The following LRRC34 variants were observed in gnomAD, a reference collection of about 807,000 sequenced individuals.
The protein encoded by LRRC34 is leucine rich repeat containing 34.
In LRRC34, 44 loss-of-function variants were observed where a neutral mutation model predicts 48.5. The observed-to-expected ratio is 0.91, with a 90% confidence interval of 0.71 to 1.17. The LOEUF is 1.17. LRRC34 is among the 50% of genes most tolerant of loss of function. The pLI, the probability that LRRC34 is intolerant of heterozygous loss-of-function variation, is 0.00. For missense variants in LRRC34, 502 were observed against 563.0 expected, an observed-to-expected ratio of 0.89 and a Z score of 1.10; for synonymous variants, 192 against 197.6, an observed-to-expected ratio of 0.97 and a Z score of 0.24.
rs768712297 is a variant in LRRC34 at position 169,793,837 on chromosome 3, G to T, written c.1193C>A (p.Ala398Glu). ...GNKFDEATCI[A>E]YSDLIQMGCL... Reference sequence around the variant, plus strand: ...ACCCATTTGAATTAAGTCTGAATATGCCTAGGATTTTTAGGAAAAAAACTA... The same window carrying T: ...ACCCATTTGAATTAAGTCTGAATATTCCTAGGATTTTTAGGAAAAAAACTA... Residue 398 changes from alanine to glutamate, a missense_variant and splice_region_variant, in exon 11 of 11, where the codon GCA (alanine) becomes GAA (glutamate). Coordinates refer to ENST00000446859, the MANE Select transcript of LRRC34 (RefSeq NM_001172779.2). The T allele has an allele frequency of 6.3e-7, 1 of 1,595,038 alleles. No homozygotes were observed.
chr3:169,804,073 C>T lies in LRRC34; in HGVS notation c.637G>A (p.Asp213Asn). Residue 213 changes from aspartate to asparagine, a missense_variant, in exon 6 of 11, where the codon GAT becomes AAT. By Grantham distance (23) the Asp-to-Asn change is conservative. Coordinates refer to ENST00000446859, the MANE Select transcript of LRRC34 (RefSeq NM_001172779.2). ...CTCACCAGATCACAGTCACCCAGATCTAATTTCTCTAATGATGAATTAATT... is the reference window on the plus strand; with the variant it reads ...CTCACCAGATCACAGTCACCCAGATTTAATTTCTCTAATGATGAATTAATT... ...LQINSSLEKL[D>N]LGDCDLGMQS... is the part of the protein sequence containing the mutation. 1 of 1,591,336 alleles carries T rather than the reference C, an allele frequency of 6.3e-7. No homozygotes were observed. The highest frequency in any genetic ancestry group is 8.6e-7 in the Non-Finnish European group (1 of 1,168,700).
chr3:169,810,397 T>C lies in LRRC34; in HGVS notation c.140-1652A>G, dbSNP rs146675692. On this transcript the variant is annotated intron_variant, in intron 1 of 10. Transcript: ENST00000446859. Reference sequence around the variant, plus strand: ...AAAATTGGAATCTTTGGATATAACTTTATATGCTGTTTTTTAAATTAACAT... The same window carrying C: ...AAAATTGGAATCTTTGGATATAACTCTATATGCTGTTTTTTAAATTAACAT... Among the ~76,000 whole-genome samples the C allele has an allele frequency of 1.1e-3, 164 of 152,356 alleles. 1 individual carries two copies. Among genetic ancestry groups the C allele is most frequent in the African/African-American group, 3.8e-3 (156 of 41,578 alleles).
At chr3:169,800,431 C>A (rs1779148777) in intron 7 of LRRC34, among the ~76,000 whole-genome samples, 1 of 152,208 alleles carries the variant, frequency 6.6e-6, no homozygotes, top group East Asian at 1.9e-4. Context: ...GAAAAGATGA[C>A]ATGTTTGCTG....
At position 169,812,393 on chromosome 3, in the gene LRRC34, T is replaced by C; in HGVS notation, c.139+17A>G. The C allele has an allele frequency of 6.6e-7, 1 of 1,524,432 alleles. No individual in the cohort carries two copies. Among genetic ancestry groups the C allele is most frequent in the Non-Finnish European group, 8.8e-7 (1 of 1,142,796 alleles). The allele number at this position is 1,524,432 out of a possible 1,614,324, so 94.4% of individuals were successfully genotyped here. A position where few individuals can be genotyped will look rare whatever the true frequency, so the allele number is the denominator to read the frequency against. On this transcript the variant is annotated intron_variant, in intron 1 of 10. Transcript: ENST00000446859. The surrounding 1 kb of genome is among the most constrained non-coding windows in gnomAD (Gnocchi z 4.3). ...TTGTCTGGGCCAGGCCGCGCAGACGTGCTCCCTACTTCTTACCGCGCTGGA... is the reference window on the plus strand; with the variant it reads ...TTGTCTGGGCCAGGCCGCGCAGACGCGCTCCCTACTTCTTACCGCGCTGGA...
chr3:169,793,329 G>T lies in LRRC34; in HGVS notation c.*306C>A. ...TAACTTTCAGTTAGATACCTACAAT[G>T]ACCTTTACTTGTACGCTATTTCACT... On this transcript the variant is annotated 3_prime_UTR_variant, in exon 11 of 11. Coordinates refer to ENST00000446859, the MANE Select transcript of LRRC34 (RefSeq NM_001172779.2). 4.8e-6 allele frequency: 1 copy of T among 208,480 alleles called. No homozygotes were observed. The highest frequency in any genetic ancestry group is 9.5e-6 in the Non-Finnish European group (1 of 104,766). The allele number at this position is 208,480 out of a possible 1,614,324, so 12.9% of individuals were successfully genotyped here.
At chr3:169,801,425 C>G (rs1272534259) in intron 6 of LRRC34, among the ~76,000 whole-genome samples, 2 of 152,218 alleles carry the variant, frequency 1.3e-5, no homozygotes, top group African/African-American at 2.4e-5. Flanking sequence ...CTCCTCACCT[C>G]TCACCTGGAC....
chr3:169,805,238 T>C (rs1306987470), intron 5 of LRRC34, among the ~76,000 whole-genome samples: 1 of 152,156 alleles, frequency 6.6e-6, no homozygotes, highest in Non-Finnish European at 1.5e-5. Context: ...CCATCTTGCA[T>C]AGGGAAAATC....
chr3:169,811,282 C>T (rs571666254), intron 1 of LRRC34, among the ~76,000 whole-genome samples: 9 of 152,296 alleles, frequency 5.9e-5, no homozygotes, highest in Non-Finnish European at 1.2e-4. Context: ...GACTACAATT[C>T]ATTTTCGCGA....
At chr3:169,810,239 G>A (rs1250517815) in intron 1 of LRRC34, among the ~76,000 whole-genome samples, 6 of 151,386 alleles carry the variant, frequency 4.0e-5, no homozygotes, top group Admixed American at 6.6e-5. Context: ...GAGCCCGACC[G>A]GAAATTTCTA....
At chr3:169,795,918 TAA>T (rs139385377) in intron 9 of LRRC34, 278,891 of 1,165,512 alleles carry the variant, frequency 0.24, 36,726 homozygotes, top group East Asian at 0.6. Context: ...TTCTTACTTT[TAA>T]AAGTCTTGAT....
rs1779635368 is a variant in LRRC34 at position 169,812,572 on chromosome 3, T to G, written c.-24A>C. The G allele has an allele frequency of 6.8e-7, 1 of 1,462,142 alleles. No homozygotes were observed. The highest frequency in any genetic ancestry group is 9.0e-7 in the Non-Finnish European group (1 of 1,114,294). The allele number at this position is 1,462,142 out of a possible 1,614,324, so 90.6% of individuals were successfully genotyped here. On this transcript the variant is annotated 5_prime_UTR_variant, in exon 1 of 11. Transcript: ENST00000446859. This position sits in a 1 kb window ranked among gnomAD's most constrained non-coding sequence, Gnocchi z 4.3. ...ATGGCGACCGCGCGCGCACTTACAGTCCGCCTGCAGCTGTGAGGCGGCTAC... is the reference window on the plus strand; with the variant it reads ...ATGGCGACCGCGCGCGCACTTACAGGCCGCCTGCAGCTGTGAGGCGGCTAC...
intron 2 of LRRC34, among the ~76,000 whole-genome samples, 161 bp from the exon 3 acceptor site, chr3:169,807,870 C>T (rs1164794220): frequency 2.0e-5 from 3 of 151,962 alleles, no homozygotes; most frequent in Non-Finnish European, 4.4e-5. Flanking sequence ...ATATTTATAC[C>T]AGGTAACTTA....
Position 169,793,753 on chromosome 3 carries a change from A to G in LRRC34, c.1277T>C (p.Leu426Pro). Residue 426 changes from leucine to proline, a missense_variant, in exon 11 of 11, where the codon CTT (leucine) becomes CCT (proline). Physicochemically the swap from Leu to Pro is moderately conservative, Grantham distance 98. Transcript: ENST00000446859. Reference sequence around the variant, plus strand: ...TTTAAGGCCATTGGAGACTTCTGCAAGATATACACGTCCATCTACCACAAA... The same window carrying G: ...TTTAAGGCCATTGGAGACTTCTGCAGGATATACACGTCCATCTACCACAAA... ...EPFVVDGRVYLAEVSNGLKKH... is the reference protein window; with the variant it reads ...EPFVVDGRVYPAEVSNGLKKH... 6 of 1,613,824 alleles carry G rather than the reference A, an allele frequency of 3.7e-6. No homozygotes were observed. Among genetic ancestry groups the G allele is most frequent in the Non-Finnish European group, 5.1e-6 (6 of 1,179,848 alleles).
rs1778862322 is a variant in LRRC34, at chr3:169,793,375, TA to T, written c.*259del. On this transcript the variant is annotated 3_prime_UTR_variant, in exon 11 of 11. Transcript: ENST00000446859. Reference sequence around the variant, plus strand: ...TCACTACTTGGTTATATTTTCATTATAAAAAGAAATTTAGTCTAGTTCCTTG... The same window carrying T: ...TCACTACTTGGTTATATTTTCATTATAAAAGAAATTTAGTCTAGTTCCTTG... The T allele has an allele frequency of 3.3e-6, 1 of 300,706 alleles. No homozygotes were observed. Among genetic ancestry groups the T allele is most frequent in the Admixed American group, 4.6e-5 (1 of 21,762 alleles). The allele number at this position is 300,706 out of a possible 1,614,324, so 18.6% of individuals were successfully genotyped here.
Position 169,804,159 on chromosome 3 carries a change from A to G in LRRC34, c.551T>C (p.Leu184Pro), listed in dbSNP as rs1779292561. 2 of 1,596,292 alleles carry G rather than the reference A, an allele frequency of 1.3e-6. No homozygotes were observed. Among genetic ancestry groups the G allele is most frequent in the South Asian group, 2.3e-5 (2 of 87,240 alleles). ...VLHKNRTLKY[L>P]RMTGNKIENK... ...TTCAATTTTGTTTCCAGTCATTCTTAGGTATTTCAGAGTCCGATTCTTCTG... is the reference window on the plus strand; with the variant it reads ...TTCAATTTTGTTTCCAGTCATTCTTGGGTATTTCAGAGTCCGATTCTTCTG... The change falls in exon 6 of 11, where the codon CTA (leucine) becomes CCA (proline). Residue 184 changes from leucine (L) to proline (P), a missense_variant. Transcript: ENST00000446859.
At position 169,793,768 on chromosome 3, in the gene LRRC34, T is replaced by A. The variant is rs754830944; in HGVS notation, c.1262A>T (p.Asp421Val). The A allele has an allele frequency of 1.4e-5, 23 of 1,613,698 alleles. No individual in the cohort carries two copies. Among genetic ancestry groups the A allele is most frequent in the Non-Finnish European group, 1.9e-5 (23 of 1,179,886 alleles). ...DNTDVEPFVV[D>V]GRVYLAEVSN... The stretch of plus-strand genomic sequence containing the variant: ...GACTTCTGCAAGATATACACGTCCA[T>A]CTACCACAAATGGCTCCACATCTGT... Residue 421 changes from aspartate (D) to valine (V), a missense_variant, in exon 11 of 11, where the codon GAT becomes GTT. Asp to Val is a radical substitution (Grantham distance 152, BLOSUM62 -3). Coordinates refer to ENST00000446859, the MANE Select transcript of LRRC34 (RefSeq NM_001172779.2).
At chr3:169,806,784 T>C in intron 5 of LRRC34, 64 bp downstream of exon 5, 1 of 991,782 alleles carries the variant, frequency 1.0e-6, no homozygotes, top group South Asian at 1.5e-5. Flanking sequence ...ACACTGTTGG[T>C]TCCAAGCTAT....
chr3:169,802,899 C>G (rs1014795393), intron 6 of LRRC34, among the ~76,000 whole-genome samples: 8 of 151,972 alleles, frequency 5.3e-5, no homozygotes, highest in Non-Finnish European at 1.0e-4. Context: ...ATTGTTTGAA[C>G]CCGGGAGGTG....
At position 169,800,679 on chromosome 3, in the gene LRRC34, G is replaced by A. The variant is rs906722069; in HGVS notation, c.733C>T (p.Pro245Ser). 6.5e-7 allele frequency: 1 copy of A among 1,533,548 alleles called. No individual in the cohort carries two copies. The highest frequency in any genetic ancestry group is 1.4e-5 in the African/African-American group (1 of 72,946). 95.0% of individuals were successfully genotyped at this position (1,533,548 alleles called of 1,614,324 possible). ...QAIKAINLNR[P>S]ILYSEQEEST... ...CATACCTGTTCACTGTACAGTATAGGTCGGTTTAGGTTTATTGCCTTAATT... is the reference window on the plus strand; with the variant it reads ...CATACCTGTTCACTGTACAGTATAGATCGGTTTAGGTTTATTGCCTTAATT... Residue 245 changes from proline to serine, a missense_variant, in exon 7 of 11, where the codon CCT (proline) becomes TCT (serine). Coordinates refer to ENST00000446859, the MANE Select transcript of LRRC34 (RefSeq NM_001172779.2).
Sources: gnomAD v4.1 joint callset for allele counts (sites outside exome capture counted in the v4.1 genomes callset) on GRCh38, gnomAD v4.1.1 for gene constraint, Gnocchi (gnomAD v3.1) non-coding constraint, MANE v1.5 for transcripts, NCBI Gene and HGNC (gene_info 2026-07-23, HGNC 2026-07-21) for gene names.